The following TMTC2 variants were observed in gnomAD, a reference collection of about 807,000 sequenced individuals.
TMTC2 encodes the protein transmembrane O-mannosyltransferase targeting cadherins 2.
TMTC2 carries 43 observed loss-of-function variants against 82.4 expected under a neutral mutation model. That is an observed-to-expected ratio of 0.52 (90% CI 0.41 to 0.67). The LOEUF (loss-of-function observed/expected upper bound fraction) is 0.67, where lower values mean the gene tolerates loss of function less well. TMTC2 is among the 30% of genes least tolerant of loss of function. The pLI is 0.00. For synonymous variants in TMTC2, 408 were observed against 381.9 expected (o/e 1.07, Z -0.80); for missense variants, 919 against 1,012.4 (o/e 0.91, Z 1.25).
At chr12:83,002,230 C>T (rs999135493) in intron 8 of TMTC2, among the ~76,000 whole-genome samples, 4 of 152,088 alleles carry the variant, frequency 2.6e-5, no homozygotes, top group Non-Finnish European at 5.9e-5. Flanking sequence ...AGGAATTTAT[C>T]CATTTCCTCT....
chr12:83,033,086 A>G (rs987504477), intron 9 of TMTC2, among the ~76,000 whole-genome samples: 7 of 152,182 alleles, frequency 4.6e-5, no homozygotes, highest in Non-Finnish European at 1.0e-4. Context: ...ATAAGTTTCA[A>G]TATTTTCTCC....
chr12:82,735,610 G>C (rs1353714662), intron 1 of TMTC2, among the ~76,000 whole-genome samples: 5 of 151,738 alleles, frequency 3.3e-5, no homozygotes, highest in Non-Finnish European at 7.4e-5. Flanking sequence ...CTCCCAAAGT[G>C]CTGGGATTAC....
chr12:82,739,752 G>A (rs1325668724), intron 1 of TMTC2, among the ~76,000 whole-genome samples: 1 of 149,068 alleles, frequency 6.7e-6, no homozygotes, highest in Non-Finnish European at 1.5e-5. Flanking sequence ...ATTAAGGCAA[G>A]CGTCCAAGTT....
At chr12:83,005,867 G>C (rs1880176953) in intron 8 of TMTC2, among the ~76,000 whole-genome samples, 2 of 152,212 alleles carry the variant, frequency 1.3e-5, no homozygotes, top group Admixed American at 1.3e-4. Flanking sequence ...TCTTAGGAAA[G>C]ACAGCCCTGT....
At chr12:82,720,620 A>G (rs556590569) in intron 1 of TMTC2, among the ~76,000 whole-genome samples, 5 of 152,340 alleles carry the variant, frequency 3.3e-5, no homozygotes, top group Admixed American at 3.3e-4. Flanking sequence ...AACTGCAGAT[A>G]CGATCATTAT....
intron 1 of TMTC2, among the ~76,000 whole-genome samples, chr12:82,842,727 G>T (rs192043758): frequency 6.6e-6 from 1 of 152,136 alleles, no homozygotes; most frequent in African/African-American, 2.4e-5. Flanking sequence ...GGTTTCTCCT[G>T]TGGCCTCACT....
rs150704906 is a variant in TMTC2, at chr12:83,020,196, G to A, written c.2071-10602G>A. Among the ~76,000 whole-genome samples the A allele has an allele frequency of 1.5e-3, 225 of 152,170 alleles. 1 individual carries two copies. Among genetic ancestry groups the A allele is most frequent in the African/African-American group, 4.9e-3 (205 of 41,506 alleles). ...ATACTCTTAGCACCGGAAGTTTTTC[G>A]TGCTTCGTTAGGGCAGGAGTTGTGT... is the stretch of plus-strand genomic sequence containing the variant. On this transcript the variant is annotated intron_variant, in intron 8 of 11. Coordinates refer to ENST00000321196, the MANE Select transcript of TMTC2 (RefSeq NM_152588.3).
At chr12:82,716,713 A>G (rs1290738974) in intron 1 of TMTC2, among the ~76,000 whole-genome samples, 1 of 151,998 alleles carries the variant, frequency 6.6e-6, no homozygotes, top group East Asian at 1.9e-4. Flanking sequence ...TGGACATACT[A>G]TCAGGTGCCC....
chr12:83,003,741 C>T (rs903761376), intron 8 of TMTC2, among the ~76,000 whole-genome samples: 7 of 152,040 alleles, frequency 4.6e-5, no homozygotes, highest in African/African-American at 1.7e-4. Context: ...GAAAATAGGT[C>T]CCCAATCTCT....
At chr12:83,130,833 C>T (rs944659635) in intron 11 of TMTC2, among the ~76,000 whole-genome samples, 1 of 152,106 alleles carries the variant, frequency 6.6e-6, no homozygotes, top group African/African-American at 2.4e-5. Context: ...TTCAGTATTT[C>T]ACAAATGAAG....
At chr12:82,971,224 A>G (rs920692976) in intron 7 of TMTC2, among the ~76,000 whole-genome samples, 3 of 151,672 alleles carry the variant, frequency 2.0e-5, no homozygotes, top group African/African-American at 7.3e-5. Flanking sequence ...CTTGACTTGA[A>G]TCCAAATGCT....
At chr12:83,005,341 A>AT (rs1332831587) in intron 8 of TMTC2, among the ~76,000 whole-genome samples, 1 of 151,776 alleles carries the variant, frequency 6.6e-6, no homozygotes, top group Non-Finnish European at 1.5e-5. Flanking sequence ...AAAAAAAAAA[A>AT]AAAAAAAAGA....
intron 8 of TMTC2, among the ~76,000 whole-genome samples, chr12:82,993,024 A>G (rs1164886483): frequency 2.0e-5 from 3 of 151,974 alleles, no homozygotes; most frequent in Admixed American, 2.0e-4. Context: ...TCACTCTGTC[A>G]CCCAGGCTGG....
intron 1 of TMTC2, among the ~76,000 whole-genome samples, chr12:82,789,838 C>T (rs1392180353): frequency 6.6e-6 from 1 of 152,086 alleles, no homozygotes. Flanking sequence ...ATTTGCTTTT[C>T]ACATCTAACT....
intron 11 of TMTC2, among the ~76,000 whole-genome samples, chr12:83,113,411 C>T (rs1884657910): frequency 6.6e-6 from 1 of 151,996 alleles, no homozygotes; most frequent in African/African-American, 2.4e-5. Flanking sequence ...AGATGCAGGC[C>T]GATTGTGGCA....
chr12:83,114,642 C>A (rs1884698226), intron 11 of TMTC2, among the ~76,000 whole-genome samples: 1 of 152,078 alleles, frequency 6.6e-6, no homozygotes. Flanking sequence ...AAACTATTAT[C>A]TCTCAGTTGA....
At position 83,050,915 on chromosome 12, in the gene TMTC2, C is replaced by T; in HGVS notation, c.2164C>T (p.Leu722=). Residue 722 remains leucine (L), a synonymous_variant, in exon 10 of 12, where the codon CTG becomes TTG. Coordinates refer to ENST00000321196, the MANE Select transcript of TMTC2 (RefSeq NM_152588.3). ...TTTATACTTTTCAGGTCAGTTTCTT[C>T]TGGAAGAAGCTCGTCTCATAGAAGC... is the stretch of plus-strand genomic sequence containing the variant. ...NCYMHYGQFL[L]EEARLIEAAE... The T allele has an allele frequency of 6.2e-7, 1 of 1,611,802 alleles. No individual in the cohort carries two copies. The highest frequency in any genetic ancestry group is 8.5e-7 in the Non-Finnish European group (1 of 1,178,852).
At chr12:82,870,898 C>T (rs577816177) in intron 2 of TMTC2, among the ~76,000 whole-genome samples, 1 of 152,188 alleles carries the variant, frequency 6.6e-6, no homozygotes, top group South Asian at 2.1e-4. Context: ...GTTGTCAAAG[C>T]AGCAGCCTGA....
chr12:82,787,794 CCAGCTACT>C (rs527526474), intron 1 of TMTC2, among the ~76,000 whole-genome samples: 33 of 152,076 alleles, frequency 2.2e-4, no homozygotes, highest in Middle Eastern at 3.4e-3. Context: ...GCCCGTAGTC[CCAGCTACT>C]TGGGAGGCTG....
Sources: gnomAD v4.1 joint callset for allele counts (sites outside exome capture counted in the v4.1 genomes callset) on GRCh38, gnomAD v4.1.1 for gene constraint, MANE v1.5 for transcripts, NCBI Gene and HGNC (gene_info 2026-07-23, HGNC 2026-07-21) for gene names.